Variants in RBM26 observed in about 807,000 individuals in gnomAD.
RBM26 encodes RNA binding motif protein 26, also known as RNA-binding protein 26.
A neutral mutation model predicts 123.6 loss-of-function variants in RBM26; 30 were observed. The ratio of observed to expected loss-of-function variants is 0.24; its 90% CI spans 0.18 to 0.33. RBM26 has a LOEUF of 0.33. Among genes scored for constraint, RBM26 ranks in the 10% least tolerant of loss-of-function variants. The pLI is 1.00. For synonymous variants in RBM26, 400 were observed against 404.4 expected (o/e 0.99, Z 0.13); for missense variants, 947 against 1,203.6 (o/e 0.79, Z 3.15).
intron 10 of RBM26, among the ~76,000 whole-genome samples, chr13:79,358,744 T>A (rs911187273): frequency 6.6e-6 from 1 of 152,202 alleles, no homozygotes; most frequent in African/African-American, 2.4e-5. Context: ...TCAATTTGCA[T>A]ATATAACCTT....
At chr13:79,322,273 C>A in intron 21 of RBM26, 76 bp downstream of exon 21, 2 of 921,572 alleles carry the variant, frequency 2.2e-6, no homozygotes, top group Non-Finnish European at 3.2e-6. Flanking sequence ...GTTAAAATCA[C>A]GGCCATAAAA....
At chr13:79,394,930 A>G (rs758247796) in intron 1 of RBM26, among the ~76,000 whole-genome samples, 1 of 152,202 alleles carries the variant, frequency 6.6e-6, no homozygotes, top group Non-Finnish European at 1.5e-5. Context: ...CACGGCACCC[A>G]GCCCCAAAGG....
chr13:79,391,833 G>A (rs2078023555), intron 1 of RBM26, among the ~76,000 whole-genome samples: 1 of 151,556 alleles, frequency 6.6e-6, no homozygotes, highest in South Asian at 2.1e-4. Context: ...TACATGAAAA[G>A]CTCCTACAAA....
chr13:79,361,902 G>A (rs566560206), intron 9 of RBM26, among the ~76,000 whole-genome samples: 5 of 152,146 alleles, frequency 3.3e-5, no homozygotes, highest in East Asian at 3.9e-4. Flanking sequence ...GATGGGGAGA[G>A]GAAGATTTTA....
rs775220532 is a variant in RBM26 at position 79,377,374 on chromosome 13, G to A, written c.327+5C>T. On this transcript the variant is annotated splice_donor_5th_base_variant and intron_variant, in intron 3 of 21. Transcript: ENST00000438737. ...AACCTGTAAGGTATTAACACAAATC[G>A]TTACCTCTTCCTTCTTTATATCTTT... The A allele has an allele frequency of 4.7e-5, 76 of 1,612,232 alleles. 2 individuals carry two copies. In the South Asian group the frequency reaches 5.5e-4, roughly 12 times the overall value.
Position 79,353,163 on chromosome 13 carries a change from G to T in RBM26, c.2048C>A (p.Ala683Glu). 4 of 1,586,674 alleles carry T rather than the reference G, an allele frequency of 2.5e-6. No homozygotes were observed. The highest frequency in any genetic ancestry group is 3.4e-6 in the Non-Finnish European group (4 of 1,164,108). ...TGCTATTCTTCTTACCTTTTCAGTTGCTGAAACAGATGGCTTTGATACAAA... is the reference window on the plus strand; with the variant it reads ...TGCTATTCTTCTTACCTTTTCAGTTTCTGAAACAGATGGCTTTGATACAAA... ...LGFVSKPSVS[A>E]TEKVLSTSTG... The change falls in exon 14 of 22, where the codon GCA (alanine) becomes GAA (glutamate). Residue 683 changes from alanine to glutamate, a missense_variant. By Grantham distance (107) the Ala-to-Glu change is moderately radical. This residue lies in a region of RBM26 where 493 missense variants were observed against 563.1 expected (regional missense o/e 0.88). Coordinates refer to ENST00000438737, the MANE Select transcript of RBM26 (RefSeq NM_001366735.2).
intron 3 of RBM26, among the ~76,000 whole-genome samples, chr13:79,372,690 T>C (rs969594247): frequency 2.8e-5 from 4 of 145,312 alleles, no homozygotes; most frequent in African/African-American, 1.0e-4. Context: ...CACAAACATA[T>C]ACATGTTTAT....
In RBM26 at chr13:79,341,245, A is replaced by C. The variant is rs754322469; in HGVS notation, c.2428-18T>G. Reference sequence around the variant, plus strand: ...TTCTGCATCTAAAAAATAGTAATTAATATTTTAGGTGACAGTAATTACTAT... The same window carrying C: ...TTCTGCATCTAAAAAATAGTAATTACTATTTTAGGTGACAGTAATTACTAT... On this transcript the variant is annotated intron_variant, in intron 17 of 21. Transcript: ENST00000438737. The C allele has an allele frequency of 6.7e-7, 1 of 1,501,864 alleles. No individual in the cohort carries two copies. The highest frequency in any genetic ancestry group is 1.1e-5 in the South Asian group (1 of 87,640). The allele number at this position is 1,501,864 out of a possible 1,614,324, so 93.0% of individuals were successfully genotyped here.
At chr13:79,372,265 A>C (rs1441689805) in intron 3 of RBM26, among the ~76,000 whole-genome samples, 1 of 152,208 alleles carries the variant, frequency 6.6e-6, no homozygotes, top group Non-Finnish European at 1.5e-5. Context: ...TGGGCGACAG[A>C]GTGAGGCTCT....
intron 20 of RBM26, among the ~76,000 whole-genome samples, chr13:79,333,715 G>A (rs1025952805): frequency 2.0e-5 from 3 of 151,714 alleles, no homozygotes; most frequent in African/African-American, 7.3e-5. Flanking sequence ...TTTAATCTTT[G>A]AAACCCAAAT....
intron 1 of RBM26, among the ~76,000 whole-genome samples, chr13:79,392,527 G>C (rs1040866320): frequency 6.9e-6 from 1 of 145,286 alleles, no homozygotes; most frequent in Non-Finnish European, 1.5e-5. Flanking sequence ...ATAATTATAT[G>C]TTATATATTA....
chr13:79,320,761 A>AG (rs1166298560), intron 21 of RBM26, 51 bp from the exon 22 acceptor site: 3 of 1,431,644 alleles, frequency 2.1e-6, no homozygotes, highest in Admixed American at 2.5e-5. Flanking sequence ...AAAAAAGAAA[A>AG]GAAAAAAAAG....
intron 8 of RBM26, 32 bp from the exon 9 acceptor site, chr13:79,365,750 A>T (rs200443973): frequency 6.3e-7 from 1 of 1,592,426 alleles, no homozygotes; most frequent in African/African-American, 1.4e-5. Flanking sequence ...TTAAAAAACA[A>T]TTATAAAACT....
At position 79,334,387 on chromosome 13, in the gene RBM26, A is replaced by C. The variant is rs1185621258; in HGVS notation, c.2777T>G (p.Leu926Arg). ...IEDCQIDDSS[L>R]HAVITFKTRA... ...TGTCTTGAATGTAATTACTGCATGA[A>C]GTGAGGAATCATCAATCTGACAATC... Residue 926 changes from leucine to arginine, a missense_variant, in exon 20 of 22, where the codon CTT (leucine) becomes CGT (arginine). Physicochemically the swap from Leu to Arg is moderately radical, Grantham distance 102. Transcript: ENST00000438737. The C allele has an allele frequency of 2.2e-5, 34 of 1,574,250 alleles. No individual in the cohort carries two copies. The highest frequency in any genetic ancestry group is 2.8e-5 in the Non-Finnish European group (32 of 1,161,216).
rs573255710 is a variant in RBM26, at chr13:79,371,268, T to C, written c.417-106A>G. The C allele has an allele frequency of 7.9e-6, 7 of 888,492 alleles. No homozygotes were observed. The Admixed American group carries it at 1.6e-4, about 20-fold the overall frequency. 55.0% of individuals were successfully genotyped at this position (888,492 alleles called of 1,614,324 possible). ...TTAATTCTTGTAACTTAACTTTCTA[T>C]CCTACCATCAGACAACTGAAAAAAC... On this transcript the variant is annotated intron_variant, in intron 4 of 21. Coordinates refer to ENST00000438737, the MANE Select transcript of RBM26 (RefSeq NM_001366735.2).
chr13:79,386,903 G>C (rs1336004188), intron 1 of RBM26, among the ~76,000 whole-genome samples: 29 of 152,094 alleles, frequency 1.9e-4, no homozygotes, highest in Admixed American at 1.9e-3. Flanking sequence ...AAAAAACCTA[G>C]TTCTATCATC....
At chr13:79,334,110 A>G (rs1233909601) in intron 20 of RBM26, among the ~76,000 whole-genome samples, 3 of 152,188 alleles carry the variant, frequency 2.0e-5, no homozygotes, top group Non-Finnish European at 4.4e-5. Flanking sequence ...ACGACAGCAC[A>G]ATTTGACATT....
intron 20 of RBM26, among the ~76,000 whole-genome samples, chr13:79,330,686 T>C (rs3903388): frequency 0.29 from 44,758 of 152,094 alleles, 8,103 homozygotes; most frequent in Non-Finnish European, 0.41. Context: ...TGTTATAGAA[T>C]GTTAAAGCAC....
At chr13:79,357,710 C>T (rs544912647) in intron 11 of RBM26, among the ~76,000 whole-genome samples, 11 of 152,166 alleles carry the variant, frequency 7.2e-5, no homozygotes, top group Non-Finnish European at 1.0e-4. Context: ...GAACTGAAAA[C>T]TATTGTAAGA....
Sources: allele counts gnomAD v4.1 joint callset (sites outside exome capture counted in the v4.1 genomes callset), GRCh38; gene constraint gnomAD v4.1.1; regional missense constraint gnomAD v4.1.1; transcripts MANE v1.5; gene names NCBI Gene and HGNC (gene_info 2026-07-23, HGNC 2026-07-21).